SETD2: variants seen among roughly 807,000 people sequenced by gnomAD.
SETD2 encodes histone-lysine N-methyltransferase SETD2.
A neutral mutation model predicts 242.1 loss-of-function variants in SETD2; 31 were observed. That is an observed-to-expected ratio of 0.13 (90% CI 0.10 to 0.17). The LOEUF (loss-of-function observed/expected upper bound fraction) is 0.17, where lower values mean the gene tolerates loss of function less well. Among genes scored for constraint, SETD2 ranks in the 10% least tolerant of loss-of-function variants. The probability of loss-of-function intolerance (pLI) is 1.00; values close to 1 mark genes in which losing one functional copy is unlikely to be tolerated. For synonymous variants in SETD2, 1,006 were observed against 1,066.5 expected, an observed-to-expected ratio of 0.94 and a Z score of 1.11; for missense variants, 2,481 against 3,046.3, an observed-to-expected ratio of 0.81 and a Z score of 4.37.
chr3:47,066,933 C>T (rs2040582672), intron 13 of SETD2, 137 bp downstream of exon 13: 3 of 636,994 alleles, frequency 4.7e-6, no homozygotes, highest in African/African-American at 3.7e-5. Context: ...CAAACTTTTA[C>T]ACCAAATATT....
intron 1 of SETD2, among the ~76,000 whole-genome samples, chr3:47,142,654 A>G (rs972104287): frequency 2.0e-5 from 3 of 151,472 alleles, no homozygotes; most frequent in Non-Finnish European, 4.4e-5. Flanking sequence ...GAAGGGGAAT[A>G]CCATATATAC....
intron 5 of SETD2, among the ~76,000 whole-genome samples, chr3:47,112,430 T>C (rs190890725): frequency 1.3e-5 from 2 of 152,096 alleles, no homozygotes; most frequent in Non-Finnish European, 2.9e-5. Flanking sequence ...TATTGGTGCC[T>C]GCCACCACAT....
intron 17 of SETD2, among the ~76,000 whole-genome samples, chr3:47,039,655 C>T (rs2039182897): frequency 6.9e-6 from 1 of 144,634 alleles, no homozygotes; most frequent in Non-Finnish European, 1.5e-5. Flanking sequence ...CACCTGAGGT[C>T]AGGAGTTTGA....
At chr3:47,102,418 A>C (rs1236776680) in intron 7 of SETD2, among the ~76,000 whole-genome samples, 2 of 152,188 alleles carry the variant, frequency 1.3e-5, no homozygotes, top group South Asian at 2.1e-4. Flanking sequence ...AAATATCCAG[A>C]CTCAAAAGTG....
intron 15 of SETD2, among the ~76,000 whole-genome samples, chr3:47,048,956 G>A (rs148980103): frequency 1.6e-3 from 250 of 151,918 alleles, no homozygotes; most frequent in Non-Finnish European, 2.9e-3. Context: ...GTGAGCCACC[G>A]TGCCTGGCCT....
chr3:47,083,970 T>G lies in SETD2; in HGVS notation c.5810A>C (p.Lys1937Thr). ...TTCTATGTTGGTTTCACTATCAACTTTGCATTCAGGCAGCTGTTGTGGGAG... is the reference window on the plus strand; with the variant it reads ...TTCTATGTTGGTTTCACTATCAACTGTGCATTCAGGCAGCTGTTGTGGGAG... ...QLLPQQLPECKVDSETNIEAS... is the reference protein window; with the variant it reads ...QLLPQQLPECTVDSETNIEAS... Residue 1937 changes from lysine (K) to threonine (T), a missense_variant, in exon 12 of 21, where the codon AAA becomes ACA. By Grantham distance (78) the Lys-to-Thr change is moderately conservative. Coordinates refer to ENST00000409792, the MANE Select transcript of SETD2 (RefSeq NM_014159.7). 1 of 1,614,176 alleles carries G rather than the reference T, an allele frequency of 6.2e-7. No homozygotes were observed. Among genetic ancestry groups the G allele is most frequent in the East Asian group, 2.2e-5 (1 of 44,888 alleles).
intron 13 of SETD2, among the ~76,000 whole-genome samples, chr3:47,065,276 C>T (rs776659307): frequency 6.6e-6 from 1 of 151,538 alleles, no homozygotes. Context: ...TAAAAATATT[C>T]GAAAGACAAA....
intron 16 of SETD2, among the ~76,000 whole-genome samples, chr3:47,044,766 T>C (rs1559658758): frequency 1.3e-5 from 2 of 152,224 alleles, no homozygotes; most frequent in Admixed American, 6.5e-5. Flanking sequence ...ACAACATGTA[T>C]AGTGAAGTAT....
chr3:47,151,390 A>G (rs2043979356), intron 1 of SETD2, among the ~76,000 whole-genome samples: 1 of 152,226 alleles, frequency 6.6e-6, no homozygotes. Flanking sequence ...TGAAAATAAA[A>G]AAGCTTAAGC....
intron 9 of SETD2, among the ~76,000 whole-genome samples, chr3:47,091,310 G>T (rs574675616): frequency 1.3e-5 from 2 of 152,230 alleles, no homozygotes; most frequent in Non-Finnish European, 1.5e-5. Flanking sequence ...TTTTTGAGAC[G>T]AAAATATTCA....
intron 1 of SETD2, among the ~76,000 whole-genome samples, chr3:47,135,001 T>C (rs917328647): frequency 1.3e-5 from 2 of 152,188 alleles, no homozygotes; most frequent in African/African-American, 2.4e-5. Flanking sequence ...TGTTCAATAA[T>C]TATTTAAGGA....
rs139931293 is a variant in SETD2, at chr3:47,047,335, C to T, written c.6964-714G>A. Among the ~76,000 whole-genome samples, 253 of 152,236 alleles carry T rather than the reference C, an allele frequency of 1.7e-3. 2 individuals are homozygous for T. The highest frequency in any genetic ancestry group is 5.4e-3 in the African/African-American group (225 of 41,534). On this transcript the variant is annotated intron_variant, in intron 15 of 20. Transcript: ENST00000409792. ...ATAAGAAATAAGTACTATGCTAGGG[C>T]TTAAACCTACTCTGTAATTATTTCT...
At chr3:47,060,428 A>G (rs2040282533) in intron 14 of SETD2, among the ~76,000 whole-genome samples, 1 of 152,202 alleles carries the variant, frequency 6.6e-6, no homozygotes, top group African/African-American at 2.4e-5. Context: ...AGAAGGCAGT[A>G]GTGATTTGCT....
chr3:47,059,925 A>G (rs2040260964), intron 14 of SETD2, among the ~76,000 whole-genome samples: 1 of 152,160 alleles, frequency 6.6e-6, no homozygotes, highest in South Asian at 2.1e-4. Context: ...CTGGGATTAC[A>G]GGCATGAGCC....
chr3:47,100,899 G>A (rs1204448931), intron 8 of SETD2, among the ~76,000 whole-genome samples: 2 of 150,546 alleles, frequency 1.3e-5, no homozygotes, highest in Admixed American at 1.3e-4. Context: ...AGTACCAGCT[G>A]CTCAGGAGGC....
At chr3:47,103,229 A>T (rs1559722392) in intron 7 of SETD2, 117 bp downstream of exon 7, 1 of 665,488 alleles carries the variant, frequency 1.5e-6, no homozygotes, top group East Asian at 2.7e-5. Context: ...ATAATAAAGT[A>T]GAATAGGAAA....
At chr3:47,059,918 G>C (rs2040260730) in intron 14 of SETD2, among the ~76,000 whole-genome samples, 1 of 152,084 alleles carries the variant, frequency 6.6e-6, no homozygotes, top group Admixed American at 6.6e-5. Flanking sequence ...CAAGTAGCTG[G>C]GATTACAGGC....
intron 11 of SETD2, 94 bp downstream of exon 11, chr3:47,086,101 G>T: frequency 7.2e-7 from 1 of 1,389,846 alleles, no homozygotes. Context: ...ATGATACAGT[G>T]CTAAATTCAT....
rs527469836 is a variant in SETD2, at chr3:47,101,550, A to C, written c.4923T>G (p.Thr1641=). ...ACCCAACCCTCAGTTGTCCGTTCAC[A>C]GTCCACTGAGATGATGTTTGAAAAC... ...CEPNCETQKW[T]VNGQLRVGFF... The change falls in exon 8 of 21, where the codon ACT becomes ACG. Residue 1641 remains threonine (T), a synonymous_variant. Transcript: ENST00000409792. 1 of 1,602,974 alleles carries C rather than the reference A, an allele frequency of 6.2e-7. No homozygotes were observed. The highest frequency in any genetic ancestry group is 2.2e-5 in the East Asian group (1 of 44,792).
Sources: gnomAD v4.1 joint callset for allele counts (sites outside exome capture counted in the v4.1 genomes callset) on GRCh38, gnomAD v4.1.1 for gene constraint, MANE v1.5 for transcripts, NCBI Gene and HGNC (gene_info 2026-07-23, HGNC 2026-07-21) for gene names.